Variants in RABGEF1 observed in about 807,000 individuals in gnomAD.
The protein encoded by RABGEF1 is rab5 GDP/GTP exchange factor.
In RABGEF1, 26 loss-of-function variants were observed where a neutral mutation model predicts 57.3. The observed-to-expected ratio is 0.45, with a 90% CI of 0.33 to 0.63. RABGEF1 has a LOEUF of 0.63. Ranked by LOEUF, RABGEF1 falls within the 20% of genes least tolerant of loss-of-function variation. The pLI is 0.02. For missense variants in RABGEF1, 464 were observed against 607.6 expected, an observed-to-expected ratio of 0.76 and a Z score of 2.48; for synonymous variants, 185 against 210.7, an observed-to-expected ratio of 0.88 and a Z score of 1.06.
At chr7:66,684,870 C>G (rs1408947347) in intron 1 of RABGEF1, among the ~76,000 whole-genome samples, 1 of 152,128 alleles carries the variant, frequency 6.6e-6, no homozygotes, top group Admixed American at 6.6e-5. Flanking sequence ...CTCCTGACCT[C>G]GTGGTCTGCC....
At chr7:66,660,313 ACT>A in the RABGEF1 span, among the ~76,000 whole-genome samples, 1 of 150,738 alleles carries the variant, frequency 6.6e-6, no homozygotes, top group African/African-American at 2.4e-5. Context: ...GTGCCACTAC[ACT>A]CCAGCCTGGG....
chr7:66,687,650 C>T (rs1475449595), intron 1 of RABGEF1, among the ~76,000 whole-genome samples: 1 of 151,870 alleles, frequency 6.6e-6, no homozygotes, highest in African/African-American at 2.4e-5. Context: ...GATGACAGAG[C>T]CTTGGGAAAT....
rs1325657994 is a variant in RABGEF1, at chr7:66,810,463, A to C, written c.*1179A>C. On this transcript the variant is annotated 3_prime_UTR_variant, in exon 9 of 9. Coordinates refer to ENST00000284957, the MANE Select transcript of RABGEF1 (RefSeq NM_014504.3). ...CCATATCACCCCTCCGTTAAGAACC[A>C]CTGATGTCTTTTACAAACCAGGAGT... 1 of 152,202 alleles carries C rather than the reference A, an allele frequency of 6.6e-6. No homozygotes were observed. The highest frequency in any genetic ancestry group is 2.4e-5 in the African/African-American group (1 of 41,460). 9.4% of individuals were successfully genotyped at this position (152,202 alleles called of 1,614,324 possible). A position where few individuals can be genotyped will look rare whatever the true frequency, so the allele number is the denominator to read the frequency against.
intron 7 of RABGEF1, among the ~76,000 whole-genome samples, chr7:66,802,511 G>A (rs947859039): frequency 1.3e-5 from 2 of 152,236 alleles, no homozygotes; most frequent in African/African-American, 4.8e-5. Flanking sequence ...GGGCTCTGAA[G>A]AGTAAATCAT....
chr7:66,728,219 A>T (rs1796812125), intron 2 of RABGEF1, among the ~76,000 whole-genome samples: 1 of 152,010 alleles, frequency 6.6e-6, no homozygotes, highest in African/African-American at 2.4e-5. Context: ...GGAAACTCCT[A>T]TCCCATCTGC....
intron 3 of RABGEF1, among the ~76,000 whole-genome samples, chr7:66,777,877 G>GTT (rs1808917195): frequency 6.6e-6 from 1 of 152,114 alleles, no homozygotes; most frequent in South Asian, 2.1e-4. Flanking sequence ...CTTTGTTCTT[G>GTT]TCTCCCCTCA....
intron 1 of RABGEF1, among the ~76,000 whole-genome samples, chr7:66,762,679 G>A (rs1251399031): frequency 6.6e-6 from 1 of 152,160 alleles, no homozygotes; most frequent in Non-Finnish European, 1.5e-5. Flanking sequence ...AGGCCAGCCT[G>A]GGCCAGGTGG....
At chr7:66,682,482 T>A (rs1789907052) in intron 1 of RABGEF1, among the ~76,000 whole-genome samples, 1 of 152,216 alleles carries the variant, frequency 6.6e-6, no homozygotes, top group Non-Finnish European at 1.5e-5. Flanking sequence ...CCGTCCAACG[T>A]GCTCGTTGCC....
intron 1 of RABGEF1, among the ~76,000 whole-genome samples, chr7:66,686,807 G>C (rs1271787949): frequency 6.6e-6 from 1 of 151,514 alleles, no homozygotes; most frequent in Non-Finnish European, 1.5e-5. Flanking sequence ...TTTATTTATA[G>C]TAGAACTTTT....
chr7:66,779,130 TGAA>T (rs1809255146), intron 3 of RABGEF1, among the ~76,000 whole-genome samples: 4 of 151,368 alleles, frequency 2.6e-5, no homozygotes, highest in Middle Eastern at 3.4e-3. Flanking sequence ...TAAAATAAAA[TGAA>T]GAAATCTATA....
intron 1 of RABGEF1, among the ~76,000 whole-genome samples, chr7:66,686,883 G>A (rs1453099062): frequency 4.0e-5 from 6 of 150,848 alleles, no homozygotes; most frequent in African/African-American, 9.7e-5. Context: ...GTGCAGTGGC[G>A]CGATCTCGGC....
chr7:66,656,927 T>C, the RABGEF1 span, among the ~76,000 whole-genome samples: 1 of 151,574 alleles, frequency 6.6e-6, no homozygotes, highest in East Asian at 1.9e-4. Flanking sequence ...GGGAATTCTA[T>C]ACTGATAAAA....
chr7:66,741,528 G>A (rs769935493), intron 1 of RABGEF1, among the ~76,000 whole-genome samples: 9 of 152,120 alleles, frequency 5.9e-5, no homozygotes, highest in East Asian at 1.9e-4. Flanking sequence ...TCTCAGCGCG[G>A]GTGACCAATC....
intron 1 of RABGEF1, among the ~76,000 whole-genome samples, chr7:66,745,794 C>T (rs1211365303): frequency 1.3e-5 from 2 of 148,676 alleles, no homozygotes; most frequent in Non-Finnish European, 3.0e-5. Flanking sequence ...AAAGTGATCA[C>T]ACTAAAACCA....
the RABGEF1 span, among the ~76,000 whole-genome samples, chr7:66,663,783 A>T: frequency 6.6e-6 from 1 of 152,018 alleles, no homozygotes; most frequent in Non-Finnish European, 1.5e-5. Flanking sequence ...AAATAAAACT[A>T]GTGTGAATCG....
chr7:66,744,974 T>C (rs76857129), intron 1 of RABGEF1, among the ~76,000 whole-genome samples: 1 of 151,734 alleles, frequency 6.6e-6, no homozygotes, highest in South Asian at 2.1e-4. Context: ...GGGTGGATCA[T>C]GAGGTCACGA....
chr7:66,754,525 C>T (rs185205073), intron 1 of RABGEF1, among the ~76,000 whole-genome samples: 75 of 152,172 alleles, frequency 4.9e-4, no homozygotes, highest in Admixed American at 3.9e-3. Flanking sequence ...GGGCAGATCA[C>T]GTGAGCCCAG....
At chr7:66,778,633 A>T (rs1809114516) in intron 3 of RABGEF1, among the ~76,000 whole-genome samples, 1 of 152,174 alleles carries the variant, frequency 6.6e-6, no homozygotes, top group African/African-American at 2.4e-5. Context: ...AATACCACCC[A>T]GACCTTAGAA....
the RABGEF1 span, among the ~76,000 whole-genome samples, chr7:66,674,823 A>G: frequency 6.6e-6 from 1 of 151,992 alleles, no homozygotes; most frequent in Non-Finnish European, 1.5e-5. Context: ...GACATGAGGA[A>G]CCTTAAGGAA....
Sources: gnomAD v4.1 joint callset for allele counts (sites outside exome capture counted in the v4.1 genomes callset) on GRCh38, gnomAD v4.1.1 for gene constraint, MANE v1.5 for transcripts, NCBI Gene and HGNC (gene_info 2026-07-23, HGNC 2026-07-21) for gene names.